Variants in NPAS3 observed in about 807,000 individuals in gnomAD.
NPAS3 encodes neuronal PAS domain protein 3, also known as neuronal PAS domain-containing protein 3.
NPAS3 carries 14 observed loss-of-function variants against 73.1 expected under a neutral mutation model. The ratio of observed to expected loss-of-function variants is 0.19; its 90% CI spans 0.13 to 0.30. NPAS3 has a LOEUF of 0.30. Among genes scored for constraint, NPAS3 ranks in the 10% least tolerant of loss-of-function variants. NPAS3 has a pLI of 1.00. For synonymous variants in NPAS3, 620 were observed against 541.5 expected, an observed-to-expected ratio of 1.14 and a Z score of -2.01; for missense variants, 1,096 against 1,250.0, an observed-to-expected ratio of 0.88 and a Z score of 1.86.
chr14:33,301,308 A>ATATATATATATATG (rs2042524930), intron 3 of NPAS3, among the ~76,000 whole-genome samples: 1 of 98,072 alleles, frequency 1.0e-5, no homozygotes, highest in African/African-American at 4.3e-5. Context: ...TTTTATCATT[A>ATATATATATATATG]TATATATATA....
chr14:33,701,725 C>CTCAG (rs1595466513), intron 6 of NPAS3, among the ~76,000 whole-genome samples: 1 of 152,236 alleles, frequency 6.6e-6, no homozygotes, highest in African/African-American at 2.4e-5. Context: ...TGTTCCTTCA[C>CTCAG]TCATTCATTC....
intron 5 of NPAS3, among the ~76,000 whole-genome samples, chr14:33,563,960 A>G (rs927440642): frequency 2.6e-5 from 4 of 152,244 alleles, no homozygotes; most frequent in Admixed American, 1.3e-4. Flanking sequence ...TACATGATAA[A>G]TAAAAAGTAT....
chr14:32,971,756 T>G (rs1246318324), intron 1 of NPAS3, among the ~76,000 whole-genome samples: 1 of 152,132 alleles, frequency 6.6e-6, no homozygotes, highest in African/African-American at 2.4e-5. Flanking sequence ...TGTATTCATA[T>G]TGTAACAAAA....
intron 3 of NPAS3, among the ~76,000 whole-genome samples, chr14:33,230,389 C>T (rs1364329092): frequency 2.0e-5 from 3 of 152,140 alleles, no homozygotes; most frequent in Admixed American, 2.0e-4. Flanking sequence ...TAGCTTTGAA[C>T]CCACGGATGG....
At chr14:33,518,111 C>T (rs1205010043) in intron 4 of NPAS3, among the ~76,000 whole-genome samples, 1 of 152,120 alleles carries the variant, frequency 6.6e-6, no homozygotes, top group African/African-American at 2.4e-5. Flanking sequence ...AGAATGCTTT[C>T]ATGCTATGAC....
rs12101273 is a variant in NPAS3 at position 33,535,308 on chromosome 14, G to A, written c.469-24813G>A. ...ATGACTTTCTAAATAGGCGCAAAATGTATTTGACTAGACTAGTATGAAGTT... is the reference window on the plus strand; with the variant it reads ...ATGACTTTCTAAATAGGCGCAAAATATATTTGACTAGACTAGTATGAAGTT... On this transcript the variant is annotated intron_variant, in intron 4 of 11. Coordinates refer to ENST00000356141, the Ensembl canonical transcript of NPAS3. 2.1e-3 allele frequency among the ~76,000 whole-genome samples: 323 copies of A among 152,290 alleles called. 1 individual carries two copies. The highest frequency in any genetic ancestry group is 7.1e-3 in the African/African-American group (295 of 41,568).
At chr14:32,941,107 T>C (rs1213608135) in intron 1 of NPAS3, among the ~76,000 whole-genome samples, 2 of 152,122 alleles carry the variant, frequency 1.3e-5, no homozygotes, top group Non-Finnish European at 2.9e-5. Flanking sequence ...TCTCAGAGCA[T>C]TGTGCAAGGA....
rs146472617 is a variant in NPAS3 at position 33,129,613 on chromosome 14, A to G, written c.140+73619A>G. Among the ~76,000 whole-genome samples, 497 of 152,210 alleles carry G rather than the reference A, an allele frequency of 3.3e-3. 1 individual carries two copies. The highest frequency in any genetic ancestry group is 0.011 in the African/African-American group (467 of 41,542). On this transcript the variant is annotated intron_variant, in intron 2 of 11. Transcript: ENST00000356141. Reference sequence around the variant, plus strand: ...TTGTATCTTCCACACATTTTAGTCTATTTGGTTGTTCCCAATTGTAGTAGT... The same window carrying G: ...TTGTATCTTCCACACATTTTAGTCTGTTTGGTTGTTCCCAATTGTAGTAGT...
chr14:33,651,779 T>C (rs1462952161), intron 5 of NPAS3, among the ~76,000 whole-genome samples: 1 of 152,174 alleles, frequency 6.6e-6, no homozygotes, highest in African/African-American at 2.4e-5. Context: ...GTTAGTTTGG[T>C]TTGTTTCCTT....
intron 2 of NPAS3, among the ~76,000 whole-genome samples, chr14:33,207,586 A>G (rs1457237256): frequency 1.3e-5 from 2 of 152,218 alleles, no homozygotes; most frequent in African/African-American, 4.8e-5. Flanking sequence ...CTAGTAAACT[A>G]TAGCAGTTTG....
At chr14:33,323,952 C>T (rs951235347) in intron 3 of NPAS3, among the ~76,000 whole-genome samples, 1 of 152,174 alleles carries the variant, frequency 6.6e-6, no homozygotes, top group Admixed American at 6.5e-5. Flanking sequence ...ATTAAAACAT[C>T]ATTTATACTG....
At chr14:33,658,874 C>G (rs183340325) in intron 5 of NPAS3, among the ~76,000 whole-genome samples, 20 of 152,212 alleles carry the variant, frequency 1.3e-4, no homozygotes, top group Admixed American at 1.2e-3. Flanking sequence ...CTATGCCGTA[C>G]GTTTGATTCT....
At chr14:33,282,143 T>C (rs1162157738) in intron 3 of NPAS3, among the ~76,000 whole-genome samples, 1 of 152,226 alleles carries the variant, frequency 6.6e-6, no homozygotes, top group Non-Finnish European at 1.5e-5. Flanking sequence ...AAAAGCTTAC[T>C]CACGATTTAA....
At chr14:33,560,431 C>G (rs1421032877) in intron 5 of NPAS3, 4 of 412,086 alleles carry the variant, frequency 9.7e-6, no homozygotes, top group South Asian at 5.5e-5. Context: ...CTCCCCACCC[C>G]CCAAGGATCA....
At chr14:33,232,552 T>G (rs1318420949) in intron 3 of NPAS3, among the ~76,000 whole-genome samples, 1 of 152,174 alleles carries the variant, frequency 6.6e-6, no homozygotes, top group Non-Finnish European at 1.5e-5. Context: ...TCTTCTGCGT[T>G]GCTCTCTCTT....
intron 4 of NPAS3, among the ~76,000 whole-genome samples, chr14:33,557,797 G>A (rs207474639): frequency 2.3e-4 from 35 of 152,104 alleles, no homozygotes; most frequent in Non-Finnish European, 3.8e-4. Flanking sequence ...GTGAAACCCC[G>A]TCTCTACTAA....
At chr14:33,716,818 C>T (rs929651404) in intron 6 of NPAS3, among the ~76,000 whole-genome samples, 1 of 152,056 alleles carries the variant, frequency 6.6e-6, no homozygotes, top group African/African-American at 2.4e-5. Context: ...CGCCCCCACC[C>T]GACGATGGCT....
chr14:33,602,494 T>C (rs139283373), intron 5 of NPAS3, among the ~76,000 whole-genome samples: 49 of 152,324 alleles, frequency 3.2e-4, no homozygotes, highest in African/African-American at 1.0e-3. Flanking sequence ...AACGATACTT[T>C]ACTCAGTCCC....
At chr14:33,033,604 C>T (rs995556878) in intron 1 of NPAS3, among the ~76,000 whole-genome samples, 1 of 152,058 alleles carries the variant, frequency 6.6e-6, no homozygotes, top group African/African-American at 2.4e-5. Flanking sequence ...GATCATGCCC[C>T]CAGTGTCACA....
Sources: allele counts gnomAD v4.1 joint callset (sites outside exome capture counted in the v4.1 genomes callset), GRCh38; gene constraint gnomAD v4.1.1; transcripts MANE v1.5; gene names NCBI Gene and HGNC (gene_info 2026-07-23, HGNC 2026-07-21).